The following SCFD2 variants were observed in gnomAD, a reference collection of about 807,000 sequenced individuals.
SCFD2 encodes sec1 family domain-containing protein 2.
In SCFD2, 54 loss-of-function variants were observed where a neutral mutation model predicts 58.9. The observed-to-expected ratio is 0.92, with a 90% CI of 0.74 to 1.15. SCFD2 has a LOEUF of 1.15. Among genes scored for constraint, SCFD2 ranks in the 50% most tolerant of loss-of-function variants. SCFD2 has a pLI of 0.00. For synonymous variants in SCFD2, 321 were observed against 335.9 expected (o/e 0.96, Z 0.49); for missense variants, 805 against 836.6 (o/e 0.96, Z 0.47).
intron 5 of SCFD2, among the ~76,000 whole-genome samples, chr4:53,103,228 T>C (rs1724880527): frequency 6.6e-6 from 1 of 152,106 alleles, no homozygotes; most frequent in African/African-American, 2.4e-5. Context: ...GGGAGATGAT[T>C]AGCAAAGGGC....
At chr4:52,959,629 T>C in intron 5 of SCFD2, among the ~76,000 whole-genome samples, 1 of 152,264 alleles carries the variant, frequency 6.6e-6, no homozygotes, top group African/African-American at 2.4e-5. Flanking sequence ...CAACTTTATA[T>C]GACACAAGCT....
Position 53,218,315 on chromosome 4 carries a change from A to G in SCFD2, c.1311+55511T>C, listed in dbSNP as rs540926612. 6.6e-5 allele frequency among the ~76,000 whole-genome samples: 10 copies of G among 152,242 alleles called. No individual in the cohort carries two copies. The South Asian group carries it at 2.1e-3, about 32-fold the overall frequency. ...TAGATTTGGTCTTTTCACATGTCCC[A>G]TATTTCTTGGAAGCTGTGTTCATTT... On this transcript the variant is annotated intron_variant, in intron 4 of 8. Coordinates refer to ENST00000401642, the MANE Select transcript of SCFD2 (RefSeq NM_152540.4).
chr4:53,168,656 A>T (rs1727084367), intron 4 of SCFD2, among the ~76,000 whole-genome samples: 1 of 152,228 alleles, frequency 6.6e-6, no homozygotes, highest in Admixed American at 6.5e-5. Context: ...TATTGGGTAC[A>T]AAGTGATGTT....
intron 4 of SCFD2, among the ~76,000 whole-genome samples, chr4:53,218,812 G>T (rs1728948429): frequency 6.6e-6 from 1 of 152,180 alleles, no homozygotes; most frequent in Non-Finnish European, 1.5e-5. Flanking sequence ...ACATACAGAT[G>T]GGGTTTTGGT....
At chr4:52,976,120 A>G (rs1247873239) in intron 5 of SCFD2, among the ~76,000 whole-genome samples, 1 of 152,104 alleles carries the variant, frequency 6.6e-6, no homozygotes, top group Non-Finnish European at 1.5e-5. Flanking sequence ...ACGTGTATGC[A>G]TATGTAACTA....
intron 8 of SCFD2, among the ~76,000 whole-genome samples, chr4:52,878,832 C>T (rs1055331510): frequency 3.9e-5 from 6 of 152,304 alleles, no homozygotes; most frequent in East Asian, 1.9e-4. Flanking sequence ...GCCCATCATA[C>T]GTCTACTTTT....
At chr4:52,942,136 G>A (rs1251153978) in intron 5 of SCFD2, among the ~76,000 whole-genome samples, 1 of 152,182 alleles carries the variant, frequency 6.6e-6, no homozygotes, top group African/African-American at 2.4e-5. Flanking sequence ...GGTAGGATTG[G>A]AGTATACAGA....
At chr4:53,340,967 A>T (rs1479018370) in intron 2 of SCFD2, among the ~76,000 whole-genome samples, 2 of 152,220 alleles carry the variant, frequency 1.3e-5, no homozygotes, top group Non-Finnish European at 2.9e-5. Flanking sequence ...GTACATCACC[A>T]TCATCAAAGA....
intron 4 of SCFD2, among the ~76,000 whole-genome samples, chr4:53,185,925 T>C (rs964165047): frequency 6.6e-6 from 1 of 152,144 alleles, no homozygotes; most frequent in African/African-American, 2.4e-5. Context: ...CAGTGAAATG[T>C]ACAATTCAGC....
intron 4 of SCFD2, among the ~76,000 whole-genome samples, chr4:53,255,670 G>C (rs13130516): frequency 0.26 from 39,055 of 152,008 alleles, 5,527 homozygotes; most frequent in Non-Finnish European, 0.31. Context: ...CCTTTCCCCC[G>C]TTTCTATTCC....
At chr4:53,016,295 A>G (rs1437729154) in intron 5 of SCFD2, among the ~76,000 whole-genome samples, 1 of 152,208 alleles carries the variant, frequency 6.6e-6, no homozygotes. Flanking sequence ...TTTAACCTTC[A>G]TGATGAACTA....
chr4:53,158,930 G>A (rs1220137020), intron 4 of SCFD2, among the ~76,000 whole-genome samples: 6 of 152,084 alleles, frequency 3.9e-5, no homozygotes, highest in Non-Finnish European at 8.8e-5. Flanking sequence ...TATCTTCTTT[G>A]ACCTTCCCTA....
rs149321805 is a variant in SCFD2, at chr4:53,294,628, A to G, written c.1135+19008T>C. Among the ~76,000 whole-genome samples the G allele has an allele frequency of 2.9e-3, 439 of 152,282 alleles. 1 individual carries two copies. The highest frequency in any genetic ancestry group is 0.01 in the African/African-American group (418 of 41,548). On this transcript the variant is annotated intron_variant, in intron 3 of 8. Transcript: ENST00000401642. ...ATGATAGTTTTTCTTTACTGTGCAG[A>G]AGCTCTTTAGTCTAATTGGATCCCA...
intron 5 of SCFD2, among the ~76,000 whole-genome samples, chr4:53,096,035 C>A (rs1329864325): frequency 6.6e-6 from 1 of 152,142 alleles, no homozygotes; most frequent in Non-Finnish European, 1.5e-5. Context: ...CATGTCCCTA[C>A]AAAGGACATG....
intron 5 of SCFD2, among the ~76,000 whole-genome samples, chr4:52,951,685 G>A (rs1280411924): frequency 1.3e-5 from 2 of 152,100 alleles, no homozygotes; most frequent in African/African-American, 4.8e-5. Flanking sequence ...AAGCTTACAC[G>A]AGACCCTCCA....
chr4:52,915,381 CAGGCTTACTGGG>C (rs959288599), intron 6 of SCFD2, among the ~76,000 whole-genome samples: 28 of 152,162 alleles, frequency 1.8e-4, no homozygotes, highest in African/African-American at 6.0e-4. Flanking sequence ...TCAGAAAAAC[CAGGCTTACTGGG>C]AGGGTATTCA....
chr4:53,261,454 T>C (rs1026193738), intron 4 of SCFD2, among the ~76,000 whole-genome samples: 3 of 152,074 alleles, frequency 2.0e-5, no homozygotes, highest in African/African-American at 7.2e-5. Flanking sequence ...AGACTTTTAA[T>C]TTGCATCTTG....
chr4:53,147,937 T>C (rs971411861), intron 4 of SCFD2, among the ~76,000 whole-genome samples: 1 of 152,304 alleles, frequency 6.6e-6, no homozygotes, highest in Admixed American at 6.5e-5. Flanking sequence ...TTCTTTGCTT[T>C]ATAAGCTGCC....
chr4:53,131,302 C>T (rs770187442), intron 5 of SCFD2, among the ~76,000 whole-genome samples: 7 of 152,026 alleles, frequency 4.6e-5, no homozygotes, highest in Non-Finnish European at 1.0e-4. Context: ...GGTGGGTATG[C>T]AACGAGTCAG....
Sources: allele counts gnomAD v4.1 joint callset (sites outside exome capture counted in the v4.1 genomes callset), GRCh38; gene constraint gnomAD v4.1.1; transcripts MANE v1.5; gene names NCBI Gene and HGNC (gene_info 2026-07-23, HGNC 2026-07-21).